The following EYS variants were observed in gnomAD, a reference collection of about 807,000 sequenced individuals.
EYS encodes the protein protein eyes shut homolog.
A neutral mutation model predicts 282.1 loss-of-function variants in EYS; 250 were observed. That is an observed-to-expected ratio of 0.89 (90% CI 0.80 to 0.98). EYS has a LOEUF of 0.98. Ranked by LOEUF, EYS falls within the 50% of genes least tolerant of loss-of-function variation. The pLI is 0.00. For missense variants in EYS, 4,016 were observed against 3,709.0 expected (o/e 1.08, Z -2.15); for synonymous variants, 1,355 against 1,282.9 (o/e 1.06, Z -1.20).
At chr6:64,569,708 T>C (rs1010675529) in intron 26 of EYS, among the ~76,000 whole-genome samples, 1 of 150,944 alleles carries the variant, frequency 6.6e-6, no homozygotes, top group African/African-American at 2.4e-5. Flanking sequence ...GCCACTGAAC[T>C]CCAGCCTGGG....
At chr6:64,786,989 CT>C (rs1199555994) in intron 22 of EYS, among the ~76,000 whole-genome samples, 3 of 152,154 alleles carry the variant, frequency 2.0e-5, no homozygotes, top group African/African-American at 7.2e-5. Context: ...TTTTGTTATC[CT>C]TTTTCTAGAG....
intron 33 of EYS, among the ~76,000 whole-genome samples, chr6:64,030,866 A>C (rs1769788823): frequency 6.6e-6 from 1 of 151,962 alleles, no homozygotes; most frequent in African/African-American, 2.4e-5. Flanking sequence ...TGGCCTAGAG[A>C]CCTCCCCTCT....
At chr6:64,072,905 GGTTT>G (rs746166259) in intron 32 of EYS, among the ~76,000 whole-genome samples, 6 of 151,752 alleles carry the variant, frequency 4.0e-5, no homozygotes, top group Non-Finnish European at 8.8e-5. Flanking sequence ...ATATGTACAA[GGTTT>G]GTTTTTCAAA....
intron 1 of EYS, among the ~76,000 whole-genome samples, chr6:65,660,110 G>A (rs188494892): frequency 6.6e-6 from 1 of 151,700 alleles, no homozygotes; most frequent in Non-Finnish European, 1.5e-5. Flanking sequence ...TTTTAAAATG[G>A]TGTCAAAAGA....
intron 31 of EYS, among the ~76,000 whole-genome samples, chr6:64,140,687 C>T (rs1227636124): frequency 3.3e-5 from 5 of 152,200 alleles, no homozygotes; most frequent in Non-Finnish European, 5.9e-5. Flanking sequence ...CCAGGCAGTC[C>T]TTTCTACACA....
chr6:64,707,194 G>A (rs544539268), intron 22 of EYS, among the ~76,000 whole-genome samples: 1 of 152,038 alleles, frequency 6.6e-6, no homozygotes, highest in East Asian at 1.9e-4. Context: ...GGCATTTTCA[G>A]CAATCTGAAT....
intron 31 of EYS, among the ~76,000 whole-genome samples, chr6:64,145,598 T>G (rs897575091): frequency 6.6e-6 from 1 of 152,200 alleles, no homozygotes; most frequent in African/African-American, 2.4e-5. Flanking sequence ...CATTTCCAAT[T>G]CACTCTCTAG....
chr6:64,794,805 G>GA (rs1458475059), intron 22 of EYS, among the ~76,000 whole-genome samples: 3 of 151,924 alleles, frequency 2.0e-5, no homozygotes, highest in Non-Finnish European at 4.4e-5. Flanking sequence ...ATGATTTTCT[G>GA]AAAAAAATCA....
chr6:64,845,570 C>A (rs1009387639), intron 19 of EYS, among the ~76,000 whole-genome samples: 4 of 151,644 alleles, frequency 2.6e-5, no homozygotes, highest in Non-Finnish European at 5.9e-5. Context: ...ACTCCTAGGC[C>A]TTTTCTCTCT....
intron 26 of EYS, among the ~76,000 whole-genome samples, chr6:64,480,642 A>T (rs192397770): frequency 1.3e-5 from 2 of 151,956 alleles, no homozygotes; most frequent in Non-Finnish European, 2.9e-5. Context: ...CAGATATTGA[A>T]ATTCTCTGCT....
intron 5 of EYS, among the ~76,000 whole-genome samples, chr6:65,483,640 G>A (rs1765680188): frequency 6.6e-6 from 1 of 152,144 alleles, no homozygotes; most frequent in Non-Finnish European, 1.5e-5. Context: ...GAGTTTTGAA[G>A]AAACCCATAA....
intron 12 of EYS, among the ~76,000 whole-genome samples, chr6:65,222,271 C>T (rs1449647042): frequency 6.6e-6 from 1 of 152,158 alleles, no homozygotes; most frequent in Non-Finnish European, 1.5e-5. Flanking sequence ...CAAATCTCAC[C>T]TTGAAATGTA....
chr6:63,839,220 A>G (rs1339175411), intron 36 of EYS, among the ~76,000 whole-genome samples: 1 of 152,136 alleles, frequency 6.6e-6, no homozygotes, highest in East Asian at 1.9e-4. Flanking sequence ...CCCCCTCTCT[A>G]AAACCTTTTC....
At chr6:64,151,332 TATATATATA>T (rs1774712545) in intron 31 of EYS, among the ~76,000 whole-genome samples, 1 of 101,700 alleles carries the variant, frequency 9.8e-6, no homozygotes, top group African/African-American at 5.4e-5. Context: ...TATATATATA[TATATATATA>T]TATATATATA....
intron 13 of EYS, among the ~76,000 whole-genome samples, chr6:65,010,825 C>T (rs570503625): frequency 2.6e-4 from 40 of 152,202 alleles, no homozygotes; most frequent in South Asian, 1.9e-3. Flanking sequence ...TCCTAACTTC[C>T]GAGGGAACAC....
chr6:64,397,719 T>C (rs1005781454), intron 28 of EYS, among the ~76,000 whole-genome samples: 1 of 151,978 alleles, frequency 6.6e-6, no homozygotes, highest in Non-Finnish European at 1.5e-5. Flanking sequence ...GAACACACTT[T>C]TGGCACTGTT....
At chr6:65,098,469 C>G (rs951236673) in intron 12 of EYS, among the ~76,000 whole-genome samples, 2 of 150,676 alleles carry the variant, frequency 1.3e-5, no homozygotes, top group East Asian at 3.9e-4. Context: ...AACTTAACTC[C>G]CATTTCGTCT....
chr6:64,958,564 T>C (rs927257574), intron 14 of EYS, among the ~76,000 whole-genome samples: 2 of 150,616 alleles, frequency 1.3e-5, no homozygotes, highest in African/African-American at 4.9e-5. Flanking sequence ...TGAAACCCCG[T>C]CTCTACTAAA....
intron 4 of EYS, among the ~76,000 whole-genome samples, chr6:65,491,074 T>C (rs1321051873): frequency 3.9e-5 from 6 of 152,122 alleles, no homozygotes; most frequent in Admixed American, 1.3e-4. Flanking sequence ...ATTTACAAAA[T>C]GACACATTCA....
Sources: allele counts gnomAD v4.1 joint callset (sites outside exome capture counted in the v4.1 genomes callset), GRCh38; gene constraint gnomAD v4.1.1; transcripts MANE v1.5; gene names NCBI Gene and HGNC (gene_info 2026-07-23, HGNC 2026-07-21).